Variants in CCN4 observed in about 807,000 individuals in gnomAD.
CCN4 encodes the protein CCN family member 4.
Under a neutral mutation model 36.7 loss-of-function variants are expected in CCN4, and 30 were observed. The ratio of observed to expected loss-of-function variants is 0.82; its 90% CI spans 0.61 to 1.11. The LOEUF (loss-of-function observed/expected upper bound fraction) is 1.11, where lower values mean the gene tolerates loss of function less well. Ranked by LOEUF, CCN4 falls within the 50% of genes least tolerant of loss-of-function variation. CCN4 has a pLI of 0.00. For missense variants in CCN4, 505 were observed against 504.9 expected, an observed-to-expected ratio of 1.00 and a Z score of 0.00; for synonymous variants, 191 against 195.4, an observed-to-expected ratio of 0.98 and a Z score of 0.19.
chr8:133,192,591 C>T lies in CCN4; in HGVS notation c.69+1378C>T, dbSNP rs1853154888. On this transcript the variant is annotated intron_variant, in intron 1 of 4. Coordinates refer to ENST00000250160, the MANE Select transcript of CCN4 (RefSeq NM_003882.4). ...TCTAACCATTCCTACTTAGGGGAAG[C>T]TGACTGTGTCCTACAGGAGTGCCCA... Among the ~76,000 whole-genome samples, 2 of 152,230 alleles carry T rather than the reference C, an allele frequency of 1.3e-5. 1 individual carries two copies. The highest frequency in any genetic ancestry group is 4.1e-4 in the South Asian group (2 of 4,836).
chr8:133,194,828 C>T (rs574952637), intron 1 of CCN4, among the ~76,000 whole-genome samples: 1,080 of 66,724 alleles, frequency 0.016, 18 homozygotes, highest in African/African-American at 0.054. Flanking sequence ...GTGTGTGGTA[C>T]GTGTGTGTGT....
intron 1 of CCN4, among the ~76,000 whole-genome samples, chr8:133,193,965 C>A (rs951669248): frequency 1.3e-5 from 2 of 152,158 alleles, no homozygotes; most frequent in Non-Finnish European, 2.9e-5. Context: ...CACTAAGTCC[C>A]GTTGCACCTC....
chr8:133,209,090 G>T (rs563899364), intron 1 of CCN4, among the ~76,000 whole-genome samples: 1 of 152,120 alleles, frequency 6.6e-6, no homozygotes, highest in African/African-American at 2.4e-5. Flanking sequence ...AATAATCCTC[G>T]GTCCCTAGAA....
At chr8:133,208,885 G>A (rs1227904618) in intron 1 of CCN4, among the ~76,000 whole-genome samples, 1 of 152,174 alleles carries the variant, frequency 6.6e-6, no homozygotes, top group Non-Finnish European at 1.5e-5. Context: ...CTGACTACAG[G>A]TGTGTTGAAT....
Position 133,227,461 on chromosome 8 carries a change from C to T in CCN4, c.855C>T (p.Phe285=), listed in dbSNP as rs35938742. 8.4e-4 allele frequency: 1,351 copies of T among 1,614,152 alleles called. 13 individuals are homozygous for T. In the African/African-American group the frequency reaches 0.016, roughly 20 times the overall value. ...ACCAGCCAGAGGCATCCATGAACTT[C>T]ACACTTGCGGGCTGCATCAGCACAC... The part of the protein sequence containing the change: ...AVYQPEASMN[F]TLAGCISTRS... The change falls in exon 5 of 5, where the codon TTC becomes TTT. Residue 285 remains phenylalanine, a synonymous_variant. Coordinates refer to ENST00000250160, the MANE Select transcript of CCN4 (RefSeq NM_003882.4).
At chr8:133,196,114 A>G (rs1267434724) in intron 1 of CCN4, among the ~76,000 whole-genome samples, 2 of 152,248 alleles carry the variant, frequency 1.3e-5, no homozygotes, top group African/African-American at 4.8e-5. Flanking sequence ...TGGGCCCTGC[A>G]TCCCTGTGAT....
chr8:133,221,588 AATAG>A (rs1010363317), intron 3 of CCN4, among the ~76,000 whole-genome samples: 12 of 151,298 alleles, frequency 7.9e-5, no homozygotes, highest in South Asian at 2.1e-4. Context: ...TGGGTGGATT[AATAG>A]ATGGATGGAT....
chr8:133,197,122 T>C (rs1311873039), intron 1 of CCN4, among the ~76,000 whole-genome samples: 1 of 152,086 alleles, frequency 6.6e-6, no homozygotes, highest in East Asian at 1.9e-4. Flanking sequence ...GTGGTGCCTG[T>C]AGGTGAGATG....
intron 1 of CCN4, among the ~76,000 whole-genome samples, chr8:133,195,120 T>C (rs1853327171): frequency 6.8e-6 from 1 of 147,950 alleles, no homozygotes; most frequent in Non-Finnish European, 1.5e-5. Flanking sequence ...GTGCATGGTG[T>C]GTGTATGGTG....
chr8:133,221,439 G>C (rs1277786931), intron 3 of CCN4, among the ~76,000 whole-genome samples: 1 of 152,210 alleles, frequency 6.6e-6, no homozygotes, highest in East Asian at 1.9e-4. Flanking sequence ...AGAATAGATA[G>C]ATGGGCGGGT....
At chr8:133,223,661 T>C (rs1013665030) in intron 3 of CCN4, among the ~76,000 whole-genome samples, 1 of 152,040 alleles carries the variant, frequency 6.6e-6, no homozygotes, top group Admixed American at 6.6e-5. Context: ...ACACGCTTTT[T>C]CTCTCTCCTC....
rs1440109677 is a variant in CCN4, at chr8:133,220,564, G to A, written c.350-17G>A. The A allele has an allele frequency of 1.2e-6, 2 of 1,605,446 alleles. No individual in the cohort carries two copies. Among genetic ancestry groups the A allele is most frequent in the Non-Finnish European group, 1.7e-6 (2 of 1,172,914 alleles). ...GCACCAAGGCCACTGGGCCTGACCG[G>A]CCACCTGTGTTTGCAGAGGTGGTCG... On this transcript the variant is annotated splice_polypyrimidine_tract_variant and intron_variant, in intron 2 of 4. Coordinates refer to ENST00000250160, the MANE Select transcript of CCN4 (RefSeq NM_003882.4).
chr8:133,198,934 G>A, intron 1 of CCN4, among the ~76,000 whole-genome samples: 1 of 152,356 alleles, frequency 6.6e-6, no homozygotes, highest in East Asian at 1.9e-4. Context: ...CACTGTCTAT[G>A]CCTGCATATT....
chr8:133,194,467 G>GA (rs1853252828), intron 1 of CCN4, among the ~76,000 whole-genome samples: 1 of 37,000 alleles, frequency 2.7e-5, no homozygotes, highest in East Asian at 1.9e-3. Flanking sequence ...TGTGTGTGGG[G>GA]TGTGTGTGTG....
rs1414176329 is a variant in CCN4, at chr8:133,230,285, C to T, written c.*2575C>T. 1 of 152,096 alleles carries T rather than the reference C, an allele frequency of 6.6e-6. No individual in the cohort carries two copies. The highest frequency in any genetic ancestry group is 1.9e-4 in the East Asian group (1 of 5,204). The allele number at this position is 152,096 out of a possible 1,614,324, so 9.4% of individuals were successfully genotyped here. Reference sequence around the variant, plus strand: ...GAAGCGCTTTCTAAGTCAGAATTTCCCTGCAATGGTGTGGCCTGATTCAAT... The same window carrying T: ...GAAGCGCTTTCTAAGTCAGAATTTCTCTGCAATGGTGTGGCCTGATTCAAT... On this transcript the variant is annotated 3_prime_UTR_variant, in exon 5 of 5. Transcript: ENST00000250160.
At chr8:133,216,771 C>T (rs952928778) in intron 2 of CCN4, among the ~76,000 whole-genome samples, 7 of 152,214 alleles carry the variant, frequency 4.6e-5, no homozygotes, top group Non-Finnish European at 7.4e-5. Context: ...TTGCTAGCTA[C>T]GTGACCATGT....
intron 1 of CCN4, among the ~76,000 whole-genome samples, chr8:133,210,985 T>C (rs1351323748): frequency 6.6e-6 from 1 of 152,240 alleles, no homozygotes; most frequent in Non-Finnish European, 1.5e-5. Flanking sequence ...CTATGGGAGA[T>C]GAAAGCTTCA....
chr8:133,198,041 A>C (rs1053399474), intron 1 of CCN4, among the ~76,000 whole-genome samples: 26 of 152,196 alleles, frequency 1.7e-4, no homozygotes, highest in African/African-American at 6.3e-4. Flanking sequence ...GGCTTTAGGC[A>C]AGCCACTTGC....
Position 133,191,201 on chromosome 8 carries a change from C to T in CCN4, c.57C>T (p.Thr19=), listed in dbSNP as rs768583249. Reference sequence around the variant, plus strand: ...CAGTGACAGCAGCAGCCGCCAGCACCGTCCTGGCCACGGTGAGTCCTGCCT... The same window carrying T: ...CAGTGACAGCAGCAGCCGCCAGCACTGTCCTGGCCACGGTGAGTCCTGCCT... ...LAAVTAAAAS[T]VLATALSPAP... The change falls in exon 1 of 5, where the codon ACC becomes ACT. Residue 19 remains threonine, a synonymous_variant. Transcript: ENST00000250160. 6.8e-6 allele frequency: 11 copies of T among 1,606,192 alleles called. No individual in the cohort carries two copies. Among genetic ancestry groups the T allele is most frequent in the African/African-American group, 4.0e-5 (3 of 74,870 alleles).
Sources: gnomAD v4.1 joint callset for allele counts (sites outside exome capture counted in the v4.1 genomes callset) on GRCh38, gnomAD v4.1.1 for gene constraint, MANE v1.5 for transcripts, NCBI Gene and HGNC (gene_info 2026-07-23, HGNC 2026-07-21) for gene names.